The following TRPM3 variants were observed in gnomAD, a reference collection of about 807,000 sequenced individuals.
The protein encoded by TRPM3 is long transient receptor potential channel 3.
A neutral mutation model predicts 181.2 loss-of-function variants in TRPM3; 77 were observed. That is an observed-to-expected ratio of 0.42 (90% CI 0.35 to 0.51). The LOEUF is 0.51. Ranked by LOEUF, TRPM3 falls within the 20% of genes least tolerant of loss-of-function variation. The pLI, the probability that TRPM3 is intolerant of heterozygous loss-of-function variation, is 0.01. For synonymous variants in TRPM3, 745 were observed against 796.4 expected (o/e 0.94, Z 1.09); for missense variants, 1,759 against 2,196.7 (o/e 0.80, Z 3.98).
intron 1 of TRPM3, among the ~76,000 whole-genome samples, chr9:71,425,650 A>G (rs1330091046): frequency 6.6e-6 from 1 of 151,644 alleles, no homozygotes. Flanking sequence ...GCCTTTTCCA[A>G]CTCTTCCCCT....
At chr9:71,142,489 C>CAT (rs1052476441) in intron 1 of TRPM3, among the ~76,000 whole-genome samples, 3 of 151,944 alleles carry the variant, frequency 2.0e-5, no homozygotes, top group Non-Finnish European at 2.9e-5. Context: ...TTCATATATA[C>CAT]ATATATATAC....
chr9:70,955,183 A>T (rs139875913), intron 1 of TRPM3, among the ~76,000 whole-genome samples: 85 of 152,010 alleles, frequency 5.6e-4, no homozygotes, highest in Middle Eastern at 3.5e-3. Context: ...TTGAGAGACG[A>T]AAAAAAAGTG....
intron 1 of TRPM3, among the ~76,000 whole-genome samples, chr9:70,871,783 A>G (rs889268159): frequency 3.3e-5 from 5 of 152,022 alleles, no homozygotes; most frequent in Admixed American, 3.3e-4. Context: ...TTGAATACTA[A>G]CAAGAGAAAA....
At chr9:70,577,674 A>G (rs1370102440) in intron 22 of TRPM3, among the ~76,000 whole-genome samples, 3 of 152,252 alleles carry the variant, frequency 2.0e-5, no homozygotes, top group Non-Finnish European at 4.4e-5. Context: ...TACATTTTGC[A>G]AAAAGCAGTG....
chr9:71,230,272 G>A (rs1489990445), intron 1 of TRPM3, among the ~76,000 whole-genome samples: 5 of 151,992 alleles, frequency 3.3e-5, no homozygotes, highest in African/African-American at 1.2e-4. Flanking sequence ...TAAAACAATT[G>A]AACTTGTGCA....
chr9:71,236,573 G>A (rs1258953801), intron 1 of TRPM3, among the ~76,000 whole-genome samples: 1 of 152,160 alleles, frequency 6.6e-6, no homozygotes, highest in Non-Finnish European at 1.5e-5. Flanking sequence ...CAAACCTCCA[G>A]AGAATCCTCT....
chr9:71,029,578 G>C (rs1489534464), intron 1 of TRPM3, among the ~76,000 whole-genome samples: 2 of 152,022 alleles, frequency 1.3e-5, no homozygotes, highest in African/African-American at 4.8e-5. Context: ...TACAGGAAAG[G>C]AAATACCATG....
intron 1 of TRPM3, among the ~76,000 whole-genome samples, chr9:71,160,497 T>C (rs995327015): frequency 2.0e-5 from 3 of 152,172 alleles, no homozygotes; most frequent in African/African-American, 4.8e-5. Flanking sequence ...ATAACACCTC[T>C]GCCCCAACTC....
Position 70,802,699 on chromosome 9 carries a change from T to G in TRPM3, c.974-18420A>C, listed in dbSNP as rs2089472002. 2.6e-5 allele frequency among the ~76,000 whole-genome samples: 4 copies of G among 152,108 alleles called. No homozygotes were observed. In the South Asian group the frequency reaches 8.3e-4, roughly 32 times the overall value. On this transcript the variant is annotated intron_variant, in intron 6 of 25. Coordinates refer to ENST00000677713, the MANE Select transcript of TRPM3 (RefSeq NM_001366145.2). ...AAGAGTGGGAGACATGCACCATTCT[T>G]GCAATTCAGTCCCTAAAACTAGCCG...
chr9:71,326,569 G>A (rs1356320344), intron 1 of TRPM3, among the ~76,000 whole-genome samples: 2 of 152,158 alleles, frequency 1.3e-5, no homozygotes, highest in Non-Finnish European at 2.9e-5. Flanking sequence ...AAATGCAACT[G>A]GTACTTCTCA....
In TRPM3 at chr9:70,781,326, T is replaced by TAAAAAAAAAAAAAA. The variant is rs35173071; in HGVS notation, c.1148+2765_1148+2778dup. Among the ~76,000 whole-genome samples the TAAAAAAAAAAAAAA allele has an allele frequency of 1.9e-3, 202 of 106,042 alleles. 4 individuals are homozygous for TAAAAAAAAAAAAAA. Among genetic ancestry groups the TAAAAAAAAAAAAAA allele is most frequent in the East Asian group, 9.9e-3 (37 of 3,734 alleles). The allele number at this position is 106,042 out of a possible 152,430, so 69.6% of individuals were successfully genotyped here. A position where few individuals can be genotyped will look rare whatever the true frequency, so the allele number is the denominator to read the frequency against. On this transcript the variant is annotated intron_variant, in intron 7 of 25. Coordinates refer to ENST00000677713, the MANE Select transcript of TRPM3 (RefSeq NM_001366145.2). The stretch of plus-strand genomic sequence containing the variant: ...GGGGACAGCATGAGATTCCATTTCA[T>TAAAAAAAAAAAAAA]AAAAAAAAAAAAAAAAAAAAAAAGA...
intron 1 of TRPM3, among the ~76,000 whole-genome samples, chr9:71,169,348 C>T (rs4745062): frequency 0.4 from 61,471 of 151,964 alleles, 12,725 homozygotes; most frequent in East Asian, 0.52. Flanking sequence ...GGACTCTCAA[C>T]ATTGATTCTA....
intron 1 of TRPM3, among the ~76,000 whole-genome samples, chr9:70,876,588 T>G (rs1427017007): frequency 6.6e-6 from 1 of 151,918 alleles, no homozygotes; most frequent in Non-Finnish European, 1.5e-5. Flanking sequence ...GTTTCCAATT[T>G]GTTTCTGTTC....
intron 1 of TRPM3, among the ~76,000 whole-genome samples, chr9:70,890,351 C>T (rs2096178680): frequency 6.6e-6 from 1 of 151,788 alleles, no homozygotes; most frequent in African/African-American, 2.4e-5. Flanking sequence ...AAGTTAGAGA[C>T]TCAGTAATAA....
chr9:70,873,942 C>G (rs2095832073), intron 1 of TRPM3, among the ~76,000 whole-genome samples: 1 of 151,716 alleles, frequency 6.6e-6, no homozygotes, highest in Non-Finnish European at 1.5e-5. Flanking sequence ...TATAATTCAC[C>G]CTAGGGGAAT....
rs779293618 is a variant in TRPM3, at chr9:70,621,287, C to A, written c.1810-14G>T. On this transcript the variant is annotated splice_polypyrimidine_tract_variant and intron_variant, in intron 14 of 25. Transcript: ENST00000677713. ...CAAGGCTTTGGGCTGTTAAAAAAAA[C>A]GTTGTGAACAAAGTTAGATCAGTTA... 4.4e-6 allele frequency: 7 copies of A among 1,595,168 alleles called. No individual in the cohort carries two copies. The East Asian group carries it at 6.8e-5, about 16-fold the overall frequency.
chr9:70,697,385 A>C (rs553560105), intron 8 of TRPM3, among the ~76,000 whole-genome samples: 1 of 152,344 alleles, frequency 6.6e-6, no homozygotes, highest in South Asian at 2.1e-4. Flanking sequence ...CAGCTTTATT[A>C]TCACTTTGGG....
At position 70,784,305 on chromosome 9, in the gene TRPM3, G is replaced by GA. The variant is rs149169727; in HGVS notation, c.974-27dup. The GA allele has an allele frequency of 2.2e-3, 3,311 of 1,532,742 alleles. 141 individuals are homozygous for GA. In the East Asian group the frequency reaches 0.068, roughly 31 times the overall value. 94.9% of individuals were successfully genotyped at this position (1,532,742 alleles called of 1,614,324 possible). A position where few individuals can be genotyped will look rare whatever the true frequency, so the allele number is the denominator to read the frequency against. ...CTGCATTAAAAAAGGAAAAGAAAAG[G>GA]AAAAAAAGAGAAAAGAACACAAAGC... On this transcript the variant is annotated intron_variant, in intron 6 of 25. Transcript: ENST00000677713.
intron 18 of TRPM3, among the ~76,000 whole-genome samples, chr9:70,612,563 G>A (rs2062151098): frequency 6.6e-6 from 1 of 152,224 alleles, no homozygotes; most frequent in South Asian, 2.1e-4. Context: ...TGATTGACCT[G>A]TAACCAATAG....
Sources: gnomAD v4.1 joint callset for allele counts (sites outside exome capture counted in the v4.1 genomes callset) on GRCh38, gnomAD v4.1.1 for gene constraint, MANE v1.5 for transcripts, NCBI Gene and HGNC (gene_info 2026-07-23, HGNC 2026-07-21) for gene names.